The following RALGPS2 variants were observed in gnomAD, a reference collection of about 807,000 sequenced individuals.
The protein encoded by RALGPS2 is ras-specific guanine nucleotide-releasing factor RalGPS2.
A neutral mutation model predicts 86.8 loss-of-function variants in RALGPS2; 43 were observed. The ratio of observed to expected loss-of-function variants is 0.50; its 90% CI spans 0.39 to 0.64. RALGPS2 has a LOEUF of 0.64. RALGPS2 is among the 30% of genes least tolerant of loss of function. The pLI, the probability that RALGPS2 is intolerant of heterozygous loss-of-function variation, is 0.00. For missense variants in RALGPS2, 536 were observed against 694.6 expected, an observed-to-expected ratio of 0.77 and a Z score of 2.57; for synonymous variants, 243 against 231.3, an observed-to-expected ratio of 1.05 and a Z score of -0.46.
chr1:178,904,300 T>C (rs1253616429), intron 18 of RALGPS2, among the ~76,000 whole-genome samples: 1 of 152,222 alleles, frequency 6.6e-6, no homozygotes, highest in African/African-American at 2.4e-5. Flanking sequence ...ACTCTATGGG[T>C]TGTCTGTTTA....
intron 4 of RALGPS2, among the ~76,000 whole-genome samples, chr1:178,789,070 C>T (rs921820677): frequency 1.3e-5 from 2 of 152,026 alleles, no homozygotes; most frequent in Non-Finnish European, 2.9e-5. Flanking sequence ...CCACGCCTCG[C>T]TAATTTTTGT....
chr1:178,740,328 A>G (rs1650947974), intron 1 of RALGPS2, among the ~76,000 whole-genome samples: 1 of 152,226 alleles, frequency 6.6e-6, no homozygotes, highest in Non-Finnish European at 1.5e-5. Flanking sequence ...ACAGACCTCA[A>G]TAGCTATTTT....
chr1:178,800,465 A>C (rs73037790), intron 4 of RALGPS2, among the ~76,000 whole-genome samples: 7,988 of 152,134 alleles, frequency 0.053, 728 homozygotes, highest in African/African-American at 0.18. Context: ...ATGAAGATGC[A>C]AGGATGAAGA....
At position 178,879,007 on chromosome 1, in the gene RALGPS2, C is replaced by T; in HGVS notation, c.836+15C>T. 6.2e-7 allele frequency: 1 copy of T among 1,610,982 alleles called. No homozygotes were observed. The highest frequency in any genetic ancestry group is 8.5e-7 in the Non-Finnish European group (1 of 1,178,756). Reference sequence around the variant, plus strand: ...GATAATTACAAGTAGGTTGGATCTTCAAAAGTGGTTTGTATAACTTTGTCC... The same window carrying T: ...GATAATTACAAGTAGGTTGGATCTTTAAAAGTGGTTTGTATAACTTTGTCC... On this transcript the variant is annotated intron_variant, in intron 10 of 19. Coordinates refer to ENST00000367635, the MANE Select transcript of RALGPS2 (RefSeq NM_152663.5).
chr1:178,859,258 A>T (rs1657793847), intron 8 of RALGPS2, among the ~76,000 whole-genome samples: 1 of 152,158 alleles, frequency 6.6e-6, no homozygotes, highest in Non-Finnish European at 1.5e-5. Context: ...TAGTATAAGT[A>T]TTCCATTGAA....
intron 11 of RALGPS2, among the ~76,000 whole-genome samples, chr1:178,884,479 T>C (rs1000665320): frequency 7.7e-6 from 1 of 130,382 alleles, no homozygotes; most frequent in East Asian, 2.3e-4. Context: ...AGATGTGAAG[T>C]GGAGAAACAA....
At chr1:178,753,356 G>C (rs1651780425) in intron 1 of RALGPS2, among the ~76,000 whole-genome samples, 1 of 152,172 alleles carries the variant, frequency 6.6e-6, no homozygotes. Context: ...CATGGGCCCT[G>C]AGACAAGTCA....
At chr1:178,742,132 C>CAAAAAAAAAAA (rs34861793) in intron 1 of RALGPS2, among the ~76,000 whole-genome samples, 1 of 82,704 alleles carries the variant, frequency 1.2e-5, no homozygotes, top group Non-Finnish European at 2.5e-5. Flanking sequence ...AAGATTCCGT[C>CAAAAAAAAAAA]AAAAAAAAAA....
intron 1 of RALGPS2, among the ~76,000 whole-genome samples, chr1:178,759,866 T>A (rs1198791153): frequency 6.6e-6 from 1 of 152,194 alleles, no homozygotes; most frequent in South Asian, 2.1e-4. Flanking sequence ...GGATTACTTT[T>A]TAAAATTGCT....
intron 4 of RALGPS2, among the ~76,000 whole-genome samples, chr1:178,796,957 T>C (rs1380308820): frequency 6.6e-6 from 1 of 152,202 alleles, no homozygotes; most frequent in Non-Finnish European, 1.5e-5. Flanking sequence ...CTTTACTACG[T>C]GATTTTAAAA....
chr1:178,843,909 G>T (rs1025485792), intron 8 of RALGPS2, among the ~76,000 whole-genome samples: 3 of 152,150 alleles, frequency 2.0e-5, no homozygotes, highest in Admixed American at 2.0e-4. Flanking sequence ...TTCGTTTCCA[G>T]TATGAAAATC....
chr1:178,786,127 A>T (rs1653638269), intron 4 of RALGPS2, among the ~76,000 whole-genome samples: 1 of 152,076 alleles, frequency 6.6e-6, no homozygotes, highest in East Asian at 1.9e-4. Flanking sequence ...TAGACTGAGG[A>T]AGAAGGGAGA....
At chr1:178,829,526 G>A (rs1309278088) in intron 7 of RALGPS2, among the ~76,000 whole-genome samples, 1 of 152,142 alleles carries the variant, frequency 6.6e-6, no homozygotes, top group Non-Finnish European at 1.5e-5. Context: ...CTGATGATCT[G>A]AGGTGGAACA....
At chr1:178,882,930 T>G (rs901232682) in intron 10 of RALGPS2, among the ~76,000 whole-genome samples, 2 of 152,202 alleles carry the variant, frequency 1.3e-5, no homozygotes, top group African/African-American at 4.8e-5. Context: ...TAGAAATAAT[T>G]TGCATAATAT....
At chr1:178,730,890 G>A (rs12129266) in intron 1 of RALGPS2, among the ~76,000 whole-genome samples, 6,118 of 151,956 alleles carry the variant, frequency 0.04, 145 homozygotes, top group Non-Finnish European at 0.057. Flanking sequence ...TAGGAGAGAC[G>A]GGGTTTCTCC....
chr1:178,774,231 T>C (rs962887891), intron 1 of RALGPS2, among the ~76,000 whole-genome samples: 8 of 151,726 alleles, frequency 5.3e-5, no homozygotes. Flanking sequence ...GCTGAGATCA[T>C]GCCATTGCAT....
chr1:178,769,506 T>G (rs1652678488), intron 1 of RALGPS2, among the ~76,000 whole-genome samples: 1 of 151,336 alleles, frequency 6.6e-6, no homozygotes, highest in African/African-American at 2.4e-5. Context: ...CCTGCTGCAC[T>G]ATGATCAATG....
chr1:178,735,124 TGTG>T (rs2102009847), intron 1 of RALGPS2, among the ~76,000 whole-genome samples: 1 of 152,318 alleles, frequency 6.6e-6, no homozygotes, highest in African/African-American at 2.4e-5. Flanking sequence ...ATAAATAATT[TGTG>T]GTATAGCCTT....
chr1:178,843,929 A>G (rs1656739027), intron 8 of RALGPS2, among the ~76,000 whole-genome samples: 2 of 152,200 alleles, frequency 1.3e-5, no homozygotes, highest in African/African-American at 4.8e-5. Flanking sequence ...CATCCTTTTA[A>G]TGTAATGACT....
Sources: gnomAD v4.1 joint callset for allele counts (sites outside exome capture counted in the v4.1 genomes callset) on GRCh38, gnomAD v4.1.1 for gene constraint, MANE v1.5 for transcripts, NCBI Gene and HGNC (gene_info 2026-07-23, HGNC 2026-07-21) for gene names.